Variants in KLHL2 observed in about 807,000 individuals in gnomAD.
KLHL2 encodes kelch-like protein 2.
In KLHL2, 15 loss-of-function variants were observed where a neutral mutation model predicts 75.8. The observed-to-expected ratio is 0.20, with a 90% CI of 0.13 to 0.30. KLHL2 has a LOEUF of 0.30. KLHL2 is among the 10% of genes least tolerant of loss of function. The pLI is 1.00. For synonymous variants in KLHL2, 214 were observed against 251.9 expected, an observed-to-expected ratio of 0.85 and a Z score of 1.42; for missense variants, 381 against 741.0, an observed-to-expected ratio of 0.51 and a Z score of 5.64.
chr4:165,241,767 G>A (rs559328136), intron 4 of KLHL2, among the ~76,000 whole-genome samples: 285 of 151,942 alleles, frequency 1.9e-3, no homozygotes, highest in Non-Finnish European at 3.6e-3. Context: ...ACTAGTGTAG[G>A]GTCTCTTCCA....
chr4:165,250,895 G>T (rs1353641958), intron 4 of KLHL2, among the ~76,000 whole-genome samples: 2 of 152,038 alleles, frequency 1.3e-5, no homozygotes, highest in Admixed American at 1.3e-4. Context: ...ATTTGAGTTG[G>T]CATGGAGACC....
chr4:165,311,285 G>T (rs28678592), intron 10 of KLHL2, among the ~76,000 whole-genome samples, 179 bp from the exon 11 acceptor site: 5 of 151,972 alleles, frequency 3.3e-5, no homozygotes, highest in Non-Finnish European at 5.9e-5. Flanking sequence ...CAGTAGCTTA[G>T]GTAGGAGCCT....
At chr4:165,306,941 A>T (rs1047832544) in intron 9 of KLHL2, among the ~76,000 whole-genome samples, 1 of 152,218 alleles carries the variant, frequency 6.6e-6, no homozygotes, top group African/African-American at 2.4e-5. Context: ...TGTTTCTTGC[A>T]TAGAAAGCCA....
intron 5 of KLHL2, among the ~76,000 whole-genome samples, chr4:165,293,644 C>T (rs1744685216): frequency 6.6e-6 from 1 of 150,860 alleles, no homozygotes; most frequent in Admixed American, 6.6e-5. Context: ...ACTGGGACTA[C>T]AGGTGTCCAT....
At position 165,279,763 on chromosome 4, in the gene KLHL2, C is replaced by G. The variant is rs990327015; in HGVS notation, c.545-14596C>G. The stretch of plus-strand genomic sequence containing the variant: ...GGCCGCGCGAGTCCGCTGAACTAGC[C>G]TCACTTCTTTACTGGCTGGCTAGCA... On this transcript the variant is annotated intron_variant, in intron 5 of 14. Transcript: ENST00000226725. 4 of 800,888 alleles carry G rather than the reference C, an allele frequency of 5.0e-6. No individual in the cohort carries two copies. In the African/African-American group the frequency reaches 5.1e-5, roughly 10 times the overall value. 49.6% of individuals were successfully genotyped at this position (800,888 alleles called of 1,614,324 possible).
intron 2 of KLHL2, among the ~76,000 whole-genome samples, chr4:165,223,520 G>A (rs1738175255): frequency 6.6e-6 from 1 of 152,188 alleles, no homozygotes; most frequent in South Asian, 2.1e-4. Context: ...TCATCTGTTG[G>A]ATAAAGTGAA....
Position 165,255,552 on chromosome 4 carries a change from A to C in KLHL2, c.382-7645A>C, listed in dbSNP as rs138661572. ...GGGATGTAGGGGGCTGGCCCGGTGC[A>C]GAGTTTTGACATAGGAAATGTTTGT... On this transcript the variant is annotated intron_variant, in intron 4 of 14. Coordinates refer to ENST00000226725, the MANE Select transcript of KLHL2 (RefSeq NM_007246.4). Among the ~76,000 whole-genome samples, 1,211 of 152,262 alleles carry C rather than the reference A, an allele frequency of 8.0e-3. 16 individuals are homozygous for C. Among genetic ancestry groups the C allele is most frequent in the African/African-American group, 0.027 (1,117 of 41,544 alleles).
chr4:165,319,683 G>A lies in KLHL2; in HGVS notation c.1753+1714G>A, dbSNP rs557563735. Among the ~76,000 whole-genome samples the A allele has an allele frequency of 1.2e-4, 19 of 152,184 alleles. 1 individual carries two copies. In the South Asian group the frequency reaches 2.7e-3, roughly 22 times the overall value. On this transcript the variant is annotated intron_variant, in intron 14 of 14. Transcript: ENST00000226725. This position sits in a 1 kb window ranked among gnomAD's most constrained non-coding sequence, Gnocchi z 4.5. ...GTCGCCCAGGCTGGAGTGCAACAGCGTGATCTCAGATCACTGCAACCTCCG... is the reference window on the plus strand; with the variant it reads ...GTCGCCCAGGCTGGAGTGCAACAGCATGATCTCAGATCACTGCAACCTCCG...
chr4:165,286,301 ATCATAT>A (rs1191719407), intron 5 of KLHL2, among the ~76,000 whole-genome samples: 3 of 152,196 alleles, frequency 2.0e-5, no homozygotes, highest in African/African-American at 4.8e-5. Flanking sequence ...TGATGATTAG[ATCATAT>A]TCATATGGAG....
chr4:165,287,887 A>G (rs957092039), intron 5 of KLHL2, among the ~76,000 whole-genome samples: 3 of 152,108 alleles, frequency 2.0e-5, no homozygotes, highest in Admixed American at 2.0e-4. Context: ...GTTGAGTTGT[A>G]GGAGATATTT....
intron 2 of KLHL2, among the ~76,000 whole-genome samples, chr4:165,221,887 A>G (rs1454296588): frequency 6.6e-6 from 1 of 152,210 alleles, no homozygotes; most frequent in Non-Finnish European, 1.5e-5. Context: ...AGAATGTAAA[A>G]TGCATTGGTT....
intron 4 of KLHL2, among the ~76,000 whole-genome samples, chr4:165,247,583 G>A (rs906619679): frequency 2.6e-5 from 4 of 151,964 alleles, no homozygotes; most frequent in African/African-American, 9.7e-5. Flanking sequence ...ACAAAATGAA[G>A]GGGTTTACCT....
intron 5 of KLHL2, chr4:165,278,460 C>T: frequency 1.9e-6 from 3 of 1,554,268 alleles, no homozygotes; most frequent in Non-Finnish European, 2.7e-6. Flanking sequence ...GCTTCTAATG[C>T]AGCAAAAGCA....
chr4:165,259,614 G>T (rs1741482426), intron 4 of KLHL2, among the ~76,000 whole-genome samples: 2 of 152,332 alleles, frequency 1.3e-5, no homozygotes, highest in South Asian at 4.1e-4. Context: ...TGTCTGGCAA[G>T]TGCTTAGCAC....
intron 1 of KLHL2, chr4:165,208,610 A>G (rs1737001640): frequency 6.6e-6 from 1 of 152,170 alleles, no homozygotes; most frequent in Non-Finnish European, 1.5e-5. Context: ...TAGCTGAAAC[A>G]TTATGTAGAA....
intron 5 of KLHL2, among the ~76,000 whole-genome samples, chr4:165,288,324 A>C (rs1360408539): frequency 4.6e-5 from 7 of 152,108 alleles, no homozygotes; most frequent in African/African-American, 1.2e-4. Context: ...GAGGATTTAA[A>C]AATATTTGAA....
chr4:165,239,799 G>A (rs1739663106), intron 4 of KLHL2, among the ~76,000 whole-genome samples: 1 of 152,138 alleles, frequency 6.6e-6, no homozygotes. Context: ...CTTCTCTAGA[G>A]GGCAGCTTCT....
intron 5 of KLHL2, among the ~76,000 whole-genome samples, chr4:165,276,749 T>C (rs1339173192): frequency 6.6e-6 from 1 of 152,172 alleles, no homozygotes; most frequent in Non-Finnish European, 1.5e-5. Flanking sequence ...ATTGATAACA[T>C]TTGAACTGAA....
chr4:165,247,962 G>A (rs1740396391), intron 4 of KLHL2, among the ~76,000 whole-genome samples: 1 of 152,210 alleles, frequency 6.6e-6, no homozygotes, highest in Admixed American at 6.5e-5. Flanking sequence ...GATGATGAAT[G>A]TGTTAGTTAG....
Sources: allele counts gnomAD v4.1 joint callset (sites outside exome capture counted in the v4.1 genomes callset), GRCh38; gene constraint gnomAD v4.1.1; non-coding constraint Gnocchi (gnomAD v3.1); transcripts MANE v1.5; gene names NCBI Gene and HGNC (gene_info 2026-07-23, HGNC 2026-07-21).